The following FCGR3A variants were observed in gnomAD, a reference collection of about 807,000 sequenced individuals.
FCGR3A encodes the protein Fc gamma receptor IIIa, also known as low affinity immunoglobulin gamma Fc region receptor III-A.
FCGR3A carries 13 observed loss-of-function variants against 24.1 expected under a neutral mutation model. That is an observed-to-expected ratio of 0.54 (90% confidence interval 0.35 to 0.86). The LOEUF (loss-of-function observed/expected upper bound fraction) is 0.86, where lower values mean the gene tolerates loss of function less well. Among genes scored for constraint, FCGR3A ranks in the 40% least tolerant of loss-of-function variants. The pLI is 0.01. For synonymous variants in FCGR3A, 93 were observed against 112.2 expected (o/e 0.83, Z 1.08); for missense variants, 235 against 298.0 (o/e 0.79, Z 1.56).
Position 161,544,771 on chromosome 1 carries a change from G to A in FCGR3A, c.507C>T (p.Ser169=). 2 of 1,613,514 alleles carry A rather than the reference G, an allele frequency of 1.2e-6. No individual in the cohort carries two copies. Among genetic ancestry groups the A allele is most frequent in the South Asian group, 1.1e-5 (1 of 91,028 alleles). Residue 169 remains serine, a synonymous_variant, in exon 4 of 5, where the codon TCC becomes TCT. Coordinates refer to ENST00000443193, the MANE Select transcript of FCGR3A (RefSeq NM_000569.8). ...IPKATLKDSG[S]YFCRGLFGSK... ...TCCCAAAAAGCCCCCTGCAGAAGTA[G>A]GAGCCGCTGTCTTTGAGTGTGGCTT... is the stretch of plus-strand genomic sequence containing the variant.
At position 161,548,674 on chromosome 1, in the gene FCGR3A, A is replaced by G; in HGVS notation, c.66T>C (p.Asp22=). The G allele has an allele frequency of 6.2e-7, 1 of 1,613,796 alleles. No individual in the cohort carries two copies. The highest frequency in any genetic ancestry group is 1.1e-5 in the South Asian group (1 of 91,058). The change falls in exon 3 of 5, where the codon GAT becomes GAC. Residue 22 remains aspartate, a synonymous_variant. Transcript: ENST00000443193. ...CCAGGAACACCACAGCCTTTGGGAG[A>G]TCTTCTGAGGAGCCAAGATAATGTG... The part of the protein sequence containing the change: ...LLVSAGMRTE[D]LPKAVVFLEP...
At chr1:161,544,311 G>T (rs1237498451) in intron 4 of FCGR3A, among the ~76,000 whole-genome samples, 2 of 151,876 alleles carry the variant, frequency 1.3e-5, no homozygotes, top group Non-Finnish European at 2.9e-5. Context: ...TCTGTGAGGG[G>T]ATGAGGGGCT....
At chr1:161,543,252 T>C (rs1572011639) in intron 4 of FCGR3A, 53 bp from the exon 5 acceptor site, 1 of 1,584,060 alleles carries the variant, frequency 6.3e-7, no homozygotes, top group South Asian at 1.1e-5. Flanking sequence ...AAGGCAGATA[T>C]TTGGAACAAA....
upstream of FCGR3A, among the ~76,000 whole-genome samples, chr1:161,550,355 A>T (rs1359823633): frequency 6.6e-6 from 1 of 152,230 alleles, no homozygotes; most frequent in Non-Finnish European, 1.5e-5. Context: ...CTCCTGGGAT[A>T]TGTAATCCAC....
intron 3 of FCGR3A, among the ~76,000 whole-genome samples, chr1:161,546,139 C>CT (rs1190536378): frequency 6.6e-6 from 1 of 151,952 alleles, no homozygotes; most frequent in Non-Finnish European, 1.5e-5. Flanking sequence ...ATTGGTAGGA[C>CT]GTGTGTTGGT....
intron 4 of FCGR3A, 46 bp downstream of exon 4, chr1:161,544,655 C>T: frequency 1.3e-6 from 2 of 1,597,164 alleles, no homozygotes; most frequent in Middle Eastern, 2.0e-4. Flanking sequence ...ATTGCAGGTT[C>T]CACACACAGG....
At chr1:161,550,101 A>T, upstream of FCGR3A, 1 of 553,672 alleles carries the variant, frequency 1.8e-6, no homozygotes, top group Non-Finnish European at 3.2e-6. Flanking sequence ...CAGCACCAAG[A>T]ATGGGACAGT....
At chr1:161,546,864 C>G (rs1388469254) in intron 3 of FCGR3A, among the ~76,000 whole-genome samples, 1 of 151,958 alleles carries the variant, frequency 6.6e-6, no homozygotes, top group Admixed American at 6.6e-5. Context: ...AAGATTGCGC[C>G]ACTGCACTCC....
intron 3 of FCGR3A, chr1:161,545,562 T>A (rs1677352344): frequency 6.5e-6 from 1 of 152,998 alleles, no homozygotes; most frequent in African/African-American, 2.4e-5. Flanking sequence ...TCACAGGGCC[T>A]CGGTGAGACC....
At position 161,544,832 on chromosome 1, in the gene FCGR3A, T is replaced by A; in HGVS notation, c.446A>T (p.Lys149Met). ...VTYLQNGKGR[K>M]YFHHNSDFYI... ...GAAGTCAGAATTATGATGAAAATAC[T>A]TCCTGCCTTTGCCATTCTGTAAATA... Residue 149 changes from lysine to methionine, a missense_variant, in exon 4 of 5, where the codon AAG becomes ATG. Coordinates refer to ENST00000443193, the MANE Select transcript of FCGR3A (RefSeq NM_000569.8). 6.2e-7 allele frequency: 1 copy of A among 1,613,934 alleles called. No individual in the cohort carries two copies. Among genetic ancestry groups the A allele is most frequent in the Middle Eastern group, 1.7e-4 (1 of 6,060 alleles).
intron 3 of FCGR3A, chr1:161,545,584 T>C (rs1228696664): frequency 6.6e-6 from 1 of 152,516 alleles, no homozygotes; most frequent in African/African-American, 2.4e-5. Context: ...ACTTTATTAC[T>C]GAGCATGGCC....
chr1:161,544,455 TC>T lies in FCGR3A; in HGVS notation c.577+245del, dbSNP rs1278928685. Among the ~76,000 whole-genome samples the T allele has an allele frequency of 5.2e-4, 79 of 151,472 alleles. 1 individual carries two copies. Among genetic ancestry groups the T allele is most frequent in the African/African-American group, 1.9e-3 (77 of 41,158 alleles). ...ATTGGGGAGGAGATGTGGCTTCTGC[TC>T]CTGCCATCATGCTGCAGAGTGAATG... is the stretch of plus-strand genomic sequence containing the variant. On this transcript the variant is annotated intron_variant, in intron 4 of 4. Transcript: ENST00000443193.
chr1:161,550,667 G>C (rs1442592510), upstream of FCGR3A: 1 of 152,392 alleles, frequency 6.6e-6, no homozygotes, highest in Non-Finnish European at 1.5e-5. Context: ...GCCAGGAAGT[G>C]GGAGGGTTGT....
At chr1:161,544,601 G>C (rs546260401) in intron 4 of FCGR3A, 100 bp downstream of exon 4, 1 of 1,359,566 alleles carries the variant, frequency 7.4e-7, no homozygotes, top group Non-Finnish European at 1.0e-6. Context: ...GAAGAAGTGC[G>C]TGTAAGAATC....
Position 161,543,117 on chromosome 1 carries a change from T to G in FCGR3A, c.660A>C (p.Ala220=). 1 of 1,613,360 alleles carries G rather than the reference T, an allele frequency of 6.2e-7. No individual in the cohort carries two copies. Among genetic ancestry groups the G allele is most frequent in the Non-Finnish European group, 8.5e-7 (1 of 1,179,628 alleles). ...SFCLVMVLLF[A]VDTGLYFSVK... is the part of the protein sequence containing the mutation. ...CAGAGAAATATAGTCCTGTGTCCAC[T>G]GCAAAAAGGAGTACCATCACCAAGC... The change falls in exon 5 of 5, where the codon GCA becomes GCC. Residue 220 remains alanine (A), a synonymous_variant. Transcript: ENST00000443193.
intron 3 of FCGR3A, 134 bp downstream of exon 3, chr1:161,548,287 A>G (rs1312282188): frequency 3.4e-6 from 5 of 1,460,434 alleles, no homozygotes; most frequent in East Asian, 2.3e-5. Context: ...CTCTGATACC[A>G]TTCAGTGGGA....
At position 161,548,740 on chromosome 1, in the gene FCGR3A, C is replaced by T. The variant is rs10127859; in HGVS notation, c.62-62G>A. The T allele has an allele frequency of 3.1e-3, 5,037 of 1,608,862 alleles. No homozygotes were observed. In the African/African-American group the frequency reaches 0.062, roughly 20 times the overall value. ...GAGGAGCAGGCTCTACACTGCCATTCCCAGGGAGCCTCAAAGCCAGAATGA... is the reference window on the plus strand; with the variant it reads ...GAGGAGCAGGCTCTACACTGCCATTTCCAGGGAGCCTCAAAGCCAGAATGA... On this transcript the variant is annotated intron_variant, in intron 2 of 4. Coordinates refer to ENST00000443193, the MANE Select transcript of FCGR3A (RefSeq NM_000569.8).
chr1:161,549,511 A>G (rs1005501076), intron 1 of FCGR3A, among the ~76,000 whole-genome samples, 186 bp downstream of exon 1: 9 of 151,966 alleles, frequency 5.9e-5, no homozygotes, highest in African/African-American at 9.7e-5. Context: ...GTATGCCCCA[A>G]TTGGAACCAG....
Position 161,548,566 on chromosome 1 carries a change from T to C in FCGR3A, c.174A>G (p.Thr58=), listed in dbSNP as rs1677572874. 1.9e-6 allele frequency: 3 copies of C among 1,613,802 alleles called. No homozygotes were observed. Among genetic ancestry groups the C allele is most frequent in the Admixed American group, 1.7e-5 (1 of 59,990 alleles). ...TGAGGCTCTCATTGTGAAACCACTG[T>C]GTGGAATTGTCCTCAGGGGAGTAGG... ...QGAYSPEDNS[T]QWFHNESLIS... Residue 58 remains threonine, a synonymous_variant, in exon 3 of 5, where the codon ACA becomes ACG. Transcript: ENST00000443193.
Sources: gnomAD v4.1 joint callset for allele counts (sites outside exome capture counted in the v4.1 genomes callset) on GRCh38, gnomAD v4.1.1 for gene constraint, MANE v1.5 for transcripts, NCBI Gene and HGNC (gene_info 2026-07-23, HGNC 2026-07-21) for gene names.